The following CCNY variants were observed in gnomAD, a reference collection of about 807,000 sequenced individuals.
CCNY encodes the protein cyclin-Y.
A neutral mutation model predicts 42.8 loss-of-function variants in CCNY; 19 were observed. The observed-to-expected ratio is 0.44, with a 90% CI of 0.31 to 0.65. The LOEUF is 0.65. Ranked by LOEUF, CCNY falls within the 30% of genes least tolerant of loss-of-function variation. The pLI is 0.07. For synonymous variants in CCNY, 165 were observed against 162.7 expected (o/e 1.01, Z -0.11); for missense variants, 370 against 437.3 (o/e 0.85, Z 1.37).
At position 35,505,203 on chromosome 10, in the gene CCNY, C is replaced by T. The variant is rs557065589; in HGVS notation, c.264+3668C>T. 2.8e-4 allele frequency among the ~76,000 whole-genome samples: 43 copies of T among 150,886 alleles called. 1 individual carries two copies. Among genetic ancestry groups the T allele is most frequent in the Non-Finnish European group, 5.3e-4 (36 of 67,866 alleles). On this transcript the variant is annotated intron_variant, in intron 3 of 9. Transcript: ENST00000374704. ...GAATGTATGCTTTTTACCTTAGCCT[C>T]ACTTTTCTATGATTATCTTCCTGCC... is the stretch of plus-strand genomic sequence containing the variant.
At chr10:35,307,664 ATG>A (rs914910525) in intron 3 of CCNY, among the ~76,000 whole-genome samples, 1 of 151,038 alleles carries the variant, frequency 6.6e-6, no homozygotes, top group Non-Finnish European at 1.5e-5. Context: ...ATAAGGTTAT[ATG>A]TATATATATA....
chr10:35,460,991 G>A (rs371963033), intron 1 of CCNY, among the ~76,000 whole-genome samples: 7 of 152,144 alleles, frequency 4.6e-5, no homozygotes, highest in Admixed American at 6.5e-5. Flanking sequence ...TGTGAAGAGT[G>A]GGGAGCAGTG....
chr10:35,247,336 G>A (rs2095708694), intron 1 of CCNY, among the ~76,000 whole-genome samples: 2 of 152,200 alleles, frequency 1.3e-5, no homozygotes, highest in African/African-American at 4.8e-5. Flanking sequence ...GCTCATGCAT[G>A]TAATCCCAGC....
chr10:35,414,252 C>T (rs1397429391), intron 1 of CCNY, among the ~76,000 whole-genome samples: 4 of 152,168 alleles, frequency 2.6e-5, no homozygotes, highest in Admixed American at 6.5e-5. Flanking sequence ...GCTAGGGTCT[C>T]GTCTGAAGAC....
intron 3 of CCNY, among the ~76,000 whole-genome samples, chr10:35,315,995 A>G (rs756296319): frequency 5.3e-5 from 8 of 152,204 alleles, no homozygotes; most frequent in Admixed American, 4.6e-4. Flanking sequence ...TCTATCCCAT[A>G]TAAGTGTAAT....
chr10:35,414,596 A>C (rs1443392785), intron 1 of CCNY, among the ~76,000 whole-genome samples: 31 of 152,224 alleles, frequency 2.0e-4, no homozygotes, highest in Admixed American at 2.0e-3. Flanking sequence ...CATGAATACC[A>C]GGAGGCGGGA....
chr10:35,455,593 G>C (rs1185758186), intron 1 of CCNY: 2 of 152,080 alleles, frequency 1.3e-5, no homozygotes, highest in Non-Finnish European at 2.9e-5. Context: ...GAGAGCCTCA[G>C]GATCTTCGAC....
intron 1 of CCNY, among the ~76,000 whole-genome samples, chr10:35,408,479 G>C (rs771300145): frequency 3.3e-5 from 5 of 152,076 alleles, no homozygotes; most frequent in Non-Finnish European, 7.4e-5. Context: ...TTGGGGGCAG[G>C]GGGTGGATCT....
intron 1 of CCNY, among the ~76,000 whole-genome samples, chr10:35,428,995 A>G (rs920643754): frequency 1.3e-5 from 2 of 152,196 alleles, no homozygotes; most frequent in African/African-American, 2.4e-5. Flanking sequence ...ATTTAGTTGT[A>G]ATAATTTTTC....
intron 3 of CCNY, among the ~76,000 whole-genome samples, chr10:35,512,547 A>G (rs1237438144): frequency 2.0e-5 from 3 of 152,366 alleles, no homozygotes; most frequent in Admixed American, 1.3e-4. Flanking sequence ...AGGACTGCAG[A>G]GGACCCATCT....
At chr10:35,445,414 G>A (rs951338488) in intron 1 of CCNY, among the ~76,000 whole-genome samples, 5 of 152,188 alleles carry the variant, frequency 3.3e-5, no homozygotes, top group African/African-American at 1.2e-4. Flanking sequence ...GGGGCAAAAT[G>A]TAAGGGTTAG....
At chr10:35,455,087 C>T (rs1839000167) in intron 1 of CCNY, among the ~76,000 whole-genome samples, 1 of 152,114 alleles carries the variant, frequency 6.6e-6, no homozygotes, top group Non-Finnish European at 1.5e-5. Flanking sequence ...CAGGTGAAAC[C>T]ATCATTGAAA....
intron 8 of CCNY, among the ~76,000 whole-genome samples, chr10:35,559,398 T>C (rs1488484512): frequency 1.3e-5 from 2 of 152,178 alleles, no homozygotes; most frequent in Non-Finnish European, 2.9e-5. Context: ...CGTAGTATAC[T>C]GTGAGAGGAG....
chr10:35,278,285 G>A (rs1377409175), intron 3 of CCNY, among the ~76,000 whole-genome samples: 1 of 152,094 alleles, frequency 6.6e-6, no homozygotes, highest in Non-Finnish European at 1.5e-5. Flanking sequence ...TGAGGATGCC[G>A]TGGGCCTGAC....
chr10:35,468,793 G>C (rs904236070), intron 1 of CCNY, among the ~76,000 whole-genome samples: 1 of 152,176 alleles, frequency 6.6e-6, no homozygotes, highest in African/African-American at 2.4e-5. Context: ...TGGGCTACAT[G>C]TATAAAGTAG....
At chr10:35,406,788 A>C (rs1410269079) in intron 1 of CCNY, among the ~76,000 whole-genome samples, 3 of 151,406 alleles carry the variant, frequency 2.0e-5, no homozygotes, top group Non-Finnish European at 4.4e-5. Context: ...GGGGCTCCTC[A>C]CTTCCCAGTA....
chr10:35,353,684 C>CT (rs1050932892), intron 1 of CCNY, among the ~76,000 whole-genome samples: 1 of 152,214 alleles, frequency 6.6e-6, no homozygotes, highest in Non-Finnish European at 1.5e-5. Context: ...CTGCAACACA[C>CT]TGTACCTCTT....
intron 3 of CCNY, among the ~76,000 whole-genome samples, chr10:35,288,396 T>C (rs1835377809): frequency 1.3e-5 from 2 of 152,176 alleles, no homozygotes; most frequent in South Asian, 2.1e-4. Context: ...AATTTTTCTA[T>C]ATATTCTAGA....
rs183028661 is a variant in CCNY at position 35,370,405 on chromosome 10, C to G, written c.154+33198C>G. On this transcript the variant is annotated intron_variant, in intron 1 of 9. Transcript: ENST00000374704. ...TGACCTTGTGATCCGCCTGCTTCGG[C>G]CTCCCAGAGTGTTGGGATTACAGGC... Among the ~76,000 whole-genome samples, 61 of 152,166 alleles carry G rather than the reference C, an allele frequency of 4.0e-4. 2 individuals carry two copies. The East Asian group carries it at 0.012, about 29-fold the overall frequency.
Sources: gnomAD v4.1 joint callset for allele counts (sites outside exome capture counted in the v4.1 genomes callset) on GRCh38, gnomAD v4.1.1 for gene constraint, MANE v1.5 for transcripts, NCBI Gene and HGNC (gene_info 2026-07-23, HGNC 2026-07-21) for gene names.